Variants in PDE6D observed in about 807,000 individuals in gnomAD.
PDE6D encodes phosphodiesterase 6D, also known as retinal rod rhodopsin-sensitive cGMP 3',5'-cyclic phosphodiesterase subunit delta.
Under a neutral mutation model 21.9 loss-of-function variants are expected in PDE6D, and 10 were observed. The ratio of observed to expected loss-of-function variants is 0.46; its 90% confidence interval spans 0.28 to 0.78. PDE6D has a LOEUF of 0.78. PDE6D is among the 30% of genes least tolerant of loss of function. The pLI is 0.12. For synonymous variants in PDE6D, 59 were observed against 63.5 expected (o/e 0.93, Z 0.34); for missense variants, 139 against 184.8 (o/e 0.75, Z 1.44).
chr2:231,757,393 G>T (rs1397009387), intron 1 of PDE6D, among the ~76,000 whole-genome samples: 2 of 152,184 alleles, frequency 1.3e-5, no homozygotes, highest in African/African-American at 4.8e-5. Context: ...CGCCTCCCAG[G>T]TTCAAGCAAT....
intron 1 of PDE6D, among the ~76,000 whole-genome samples, chr2:231,762,339 C>CTTTTT (rs3074725): frequency 1.9e-4 from 16 of 83,454 alleles, no homozygotes; most frequent in African/African-American, 4.6e-4. Context: ...AGGACTAACG[C>CTTTTT]TTTTTTTTTT....
At chr2:231,747,510 T>C (rs1020483667) in intron 1 of PDE6D, among the ~76,000 whole-genome samples, 3 of 152,362 alleles carry the variant, frequency 2.0e-5, no homozygotes, top group Admixed American at 1.3e-4. Context: ...CTATTATTAT[T>C]ATCAATGACA....
chr2:231,780,808 G>T (rs2049110731), intron 1 of PDE6D, among the ~76,000 whole-genome samples: 1 of 152,012 alleles, frequency 6.6e-6, no homozygotes, highest in African/African-American at 2.4e-5. Flanking sequence ...TCGCAGCCCC[G>T]TCCCCCAGGC....
chr2:231,733,056 A>T, intron 4 of PDE6D, 23 bp from the exon 5 acceptor site: 1 of 1,450,374 alleles, frequency 6.9e-7, no homozygotes, highest in Non-Finnish European at 9.7e-7. Flanking sequence ...AGAGAAACAG[A>T]GGGCAAAAGA....
intron 4 of PDE6D, among the ~76,000 whole-genome samples, chr2:231,735,330 C>T (rs1466508924): frequency 5.5e-5 from 8 of 145,488 alleles, no homozygotes; most frequent in Non-Finnish European, 1.1e-4. Context: ...GGTGGAGTCT[C>T]GCCCTGTCAC....
intron 1 of PDE6D, among the ~76,000 whole-genome samples, chr2:231,747,926 T>C (rs962968069): frequency 6.6e-5 from 10 of 152,198 alleles, no homozygotes; most frequent in African/African-American, 1.9e-4. Context: ...GCCGCCGCCA[T>C]GTAAGAAGAG....
At position 231,781,082 on chromosome 2, in the gene PDE6D, G is replaced by A. The variant is rs769953849; in HGVS notation, c.33C>T (p.Ile11=). 20 of 1,613,334 alleles carry A rather than the reference G, an allele frequency of 1.2e-5. No individual in the cohort carries two copies. Among genetic ancestry groups the A allele is most frequent in the East Asian group, 4.5e-5 (2 of 44,824 alleles). MSAKDERARE[I]LRGFKLNWMN... ...ACGGATACAGTTTGAAGCCCCTCAG[G>A]ATCTCCCTGGCCCGCTCGTCCTTGG... Residue 11 remains isoleucine, a synonymous_variant, in exon 1 of 5, where the codon ATC becomes ATT. Transcript: ENST00000287600.
chr2:231,769,832 C>T, intron 1 of PDE6D, among the ~76,000 whole-genome samples: 1 of 152,174 alleles, frequency 6.6e-6, no homozygotes, highest in East Asian at 1.9e-4. Context: ...TCCATAAATA[C>T]TTAAGGGGCC....
chr2:231,765,901 A>G (rs1236826082), intron 1 of PDE6D, among the ~76,000 whole-genome samples: 1 of 151,576 alleles, frequency 6.6e-6, no homozygotes, highest in African/African-American at 2.4e-5. Context: ...TCCTTCTCTT[A>G]CTCCCACTTT....
At chr2:231,740,057 G>C (rs1487183214) in intron 1 of PDE6D, among the ~76,000 whole-genome samples, 1 of 152,128 alleles carries the variant, frequency 6.6e-6, no homozygotes, top group African/African-American at 2.4e-5. Context: ...CATTAAAAAA[G>C]AGAGATAAGA....
In PDE6D at chr2:231,739,304, A is replaced by G. The variant is rs776110076; in HGVS notation, c.51-116T>C. Reference sequence around the variant, plus strand: ...GTTTACTTTTTAAAAAGTTTGTCAAACTGCTCATTGCCATGGAAGCACATA... The same window carrying G: ...GTTTACTTTTTAAAAAGTTTGTCAAGCTGCTCATTGCCATGGAAGCACATA... On this transcript the variant is annotated intron_variant, in intron 1 of 4. Coordinates refer to ENST00000287600, the MANE Select transcript of PDE6D (RefSeq NM_002601.4). The surrounding 1 kb of genome is among the most constrained non-coding windows in gnomAD (Gnocchi z 4.2). 1 of 769,326 alleles carries G rather than the reference A, an allele frequency of 1.3e-6. No homozygotes were observed. The allele number at this position is 769,326 out of a possible 1,614,324, so 47.7% of individuals were successfully genotyped here.
intron 1 of PDE6D, among the ~76,000 whole-genome samples, chr2:231,774,466 T>C (rs17271838): frequency 0.17 from 26,514 of 152,202 alleles, 2,753 homozygotes; most frequent in Non-Finnish European, 0.23. Context: ...CACTGTGCTA[T>C]ATACTCTACT....
At chr2:231,747,371 G>A (rs1215767484) in intron 1 of PDE6D, among the ~76,000 whole-genome samples, 1 of 152,204 alleles carries the variant, frequency 6.6e-6, no homozygotes, top group Non-Finnish European at 1.5e-5. Context: ...GATTACAGGC[G>A]TGAGCCACCA....
chr2:231,762,299 AT>A (rs1054330030), intron 1 of PDE6D, among the ~76,000 whole-genome samples: 43 of 91,462 alleles, frequency 4.7e-4, no homozygotes, highest in Middle Eastern at 8.2e-3. Context: ...GAATGAAACT[AT>A]TTTTTTTTTT....
chr2:231,771,103 C>T (rs1463250330), intron 1 of PDE6D, among the ~76,000 whole-genome samples: 4 of 150,750 alleles, frequency 2.7e-5, no homozygotes, highest in Non-Finnish European at 5.9e-5. Context: ...TTTGAGCAAC[C>T]TCTGCCTCCC....
At chr2:231,741,062 C>T (rs918873354) in intron 1 of PDE6D, among the ~76,000 whole-genome samples, 4 of 140,766 alleles carry the variant, frequency 2.8e-5, no homozygotes, top group South Asian at 2.3e-4. Flanking sequence ...CACTTGAACC[C>T]GGGAGATTGC....
chr2:231,762,634 C>T (rs914287129), intron 1 of PDE6D, among the ~76,000 whole-genome samples: 2 of 152,082 alleles, frequency 1.3e-5, no homozygotes, highest in Admixed American at 6.5e-5. Context: ...TGTGAGCCAC[C>T]GTGCCTGGCC....
At chr2:231,770,971 C>T (rs2049011136) in intron 1 of PDE6D, among the ~76,000 whole-genome samples, 1 of 150,708 alleles carries the variant, frequency 6.6e-6, no homozygotes, top group Non-Finnish European at 1.5e-5. Flanking sequence ...AAAAAACCCA[C>T]AAAAATTAGC....
At chr2:231,769,401 CTT>C (rs1404415189) in intron 1 of PDE6D, among the ~76,000 whole-genome samples, 2 of 152,076 alleles carry the variant, frequency 1.3e-5, no homozygotes, top group Non-Finnish European at 2.9e-5. Flanking sequence ...GATTTAGTCC[CTT>C]TTTCTTAATC....
Sources: gnomAD v4.1 joint callset for allele counts (sites outside exome capture counted in the v4.1 genomes callset) on GRCh38, gnomAD v4.1.1 for gene constraint, Gnocchi (gnomAD v3.1) non-coding constraint, MANE v1.5 for transcripts, NCBI Gene and HGNC (gene_info 2026-07-23, HGNC 2026-07-21) for gene names.